Variants in CSTF1 observed in about 807,000 individuals in gnomAD.
CSTF1 encodes the protein cleavage stimulation factor subunit 1.
In CSTF1, 2 loss-of-function variants were observed where a neutral mutation model predicts 40.9. The ratio of observed to expected loss-of-function variants is 0.05; its 90% CI spans 0.02 to 0.15. CSTF1 has a LOEUF of 0.15. Among genes scored for constraint, CSTF1 ranks in the 10% least tolerant of loss-of-function variants. CSTF1 has a pLI of 1.00. For missense variants in CSTF1, 279 were observed against 558.9 expected, an observed-to-expected ratio of 0.50 and a Z score of 5.05; for synonymous variants, 218 against 207.2, an observed-to-expected ratio of 1.05 and a Z score of -0.45.
Position 56,403,736 on chromosome 20 carries a change from C to G in CSTF1, c.*9C>G. 1 of 1,607,306 alleles carries G rather than the reference C, an allele frequency of 6.2e-7. No individual in the cohort carries two copies. The highest frequency in any genetic ancestry group is 8.5e-7 in the Non-Finnish European group (1 of 1,174,480). On this transcript the variant is annotated 3_prime_UTR_variant, in exon 6 of 6. Coordinates refer to ENST00000217109, the MANE Select transcript of CSTF1 (RefSeq NM_001324.3). ...GATCGACCACTGACTGAGCCACCCTCTCCGTAGGGTTCTTTCTCGAGGACT... is the reference window on the plus strand; with the variant it reads ...GATCGACCACTGACTGAGCCACCCTGTCCGTAGGGTTCTTTCTCGAGGACT...
Position 56,403,514 on chromosome 20 carries a change from T to C in CSTF1, c.1083T>C (p.Phe361=), listed in dbSNP as rs574008574. The change falls in exon 6 of 6, where the codon TTT becomes TTC. Residue 361 remains phenylalanine, a synonymous_variant. Coordinates refer to ENST00000217109, the MANE Select transcript of CSTF1 (RefSeq NM_001324.3). Reference sequence around the variant, plus strand: ...AGGTGCACCGGACACAGGCTGTGTTTAACCACACCGAGGACTATGTGTTGC... The same window carrying C: ...AGGTGCACCGGACACAGGCTGTGTTCAACCACACCGAGGACTATGTGTTGC... The part of the protein sequence containing the change: ...GRQVHRTQAV[F]NHTEDYVLLP... The C allele has an allele frequency of 2.5e-6, 4 of 1,614,112 alleles. No homozygotes were observed. The African/African-American group carries it at 4.0e-5, about 16-fold the overall frequency.
chr20:56,398,177 A>C (rs1978322038), intron 4 of CSTF1, among the ~76,000 whole-genome samples: 1 of 152,246 alleles, frequency 6.6e-6, no homozygotes, highest in East Asian at 1.9e-4. Flanking sequence ...GTTCATTTGA[A>C]AGTATTAAGT....
Position 56,397,075 on chromosome 20 carries a change from G to A in CSTF1, c.170-132G>A, listed in dbSNP as rs1232820274. 3 of 908,650 alleles carry A rather than the reference G, an allele frequency of 3.3e-6. No homozygotes were observed. The highest frequency in any genetic ancestry group is 3.3e-5 in the African/African-American group (2 of 59,890). 56.3% of individuals were successfully genotyped at this position (908,650 alleles called of 1,614,324 possible). ...AATACACAGTTTTGTAAAGTGTTAGGTGTCACGCGGCTCCAAGAAATAGGA... is the reference window on the plus strand; with the variant it reads ...AATACACAGTTTTGTAAAGTGTTAGATGTCACGCGGCTCCAAGAAATAGGA... On this transcript the variant is annotated intron_variant, in intron 2 of 5. Coordinates refer to ENST00000217109, the MANE Select transcript of CSTF1 (RefSeq NM_001324.3). The surrounding 1 kb of genome is among the most constrained non-coding windows in gnomAD (Gnocchi z 4.4).
intron 1 of CSTF1, among the ~76,000 whole-genome samples, chr20:56,393,583 T>G (rs6099129): frequency 0.094 from 13,294 of 141,738 alleles, 730 homozygotes; most frequent in African/African-American, 0.16. Flanking sequence ...GACTAAAAGT[T>G]GAAGTCAGAT....
intron 5 of CSTF1, among the ~76,000 whole-genome samples, chr20:56,400,356 G>A (rs1031927406): frequency 6.6e-6 from 1 of 152,160 alleles, no homozygotes; most frequent in Admixed American, 6.5e-5. Flanking sequence ...TGAAACACTT[G>A]TATAAAGTTG....
Position 56,403,437 on chromosome 20 carries a change from A to G in CSTF1, c.1037-31A>G, listed in dbSNP as rs769572967. 6 of 1,611,508 alleles carry G rather than the reference A, an allele frequency of 3.7e-6. No homozygotes were observed. In the Admixed American group the frequency reaches 8.3e-5, roughly 22 times the overall value. On this transcript the variant is annotated intron_variant, in intron 5 of 5. Transcript: ENST00000217109. ...TTCTGAGGGTCTAAGATGTGGACTTAGAAAGCTATCCCTCTTGCTCTCTGT... is the reference window on the plus strand; with the variant it reads ...TTCTGAGGGTCTAAGATGTGGACTTGGAAAGCTATCCCTCTTGCTCTCTGT...
chr20:56,404,907 C>G lies in CSTF1; in HGVS notation c.*1180C>G, dbSNP rs976460723. ...GTCTCTATCTCCTGACCTCGTGATC[C>G]GCCTGCCTCAGCCTCCCAAAGTTTT... On this transcript the variant is annotated 3_prime_UTR_variant, in exon 6 of 6. Transcript: ENST00000217109. 6.7e-6 allele frequency: 1 copy of G among 148,530 alleles called. No homozygotes were observed. The highest frequency in any genetic ancestry group is 1.5e-5 in the Non-Finnish European group (1 of 67,546). The allele number at this position is 148,530 out of a possible 1,614,324, so 9.2% of individuals were successfully genotyped here.
At chr20:56,396,887 T>C (rs572776040) in intron 2 of CSTF1, 66 of 230,348 alleles carry the variant, frequency 2.9e-4, no homozygotes, top group African/African-American at 1.5e-3. Context: ...AAAAAATGGA[T>C]AATTTAACTA....
chr20:56,403,955 G>T lies in CSTF1; in HGVS notation c.*228G>T. 2.1e-6 allele frequency: 1 copy of T among 475,220 alleles called. No homozygotes were observed. Among genetic ancestry groups the T allele is most frequent in the Non-Finnish European group, 3.7e-6 (1 of 268,520 alleles). The allele number at this position is 475,220 out of a possible 1,614,324, so 29.4% of individuals were successfully genotyped here. On this transcript the variant is annotated 3_prime_UTR_variant, in exon 6 of 6. Coordinates refer to ENST00000217109, the MANE Select transcript of CSTF1 (RefSeq NM_001324.3). ...AGTTCTACATTCACTGATTATTACA[G>T]TGTGATTTTCATCGGTTTTGTAAGT...
rs552048108 is a variant in CSTF1, at chr20:56,403,259, T to C, written c.1037-209T>C. Among the ~76,000 whole-genome samples the C allele has an allele frequency of 5.3e-5, 8 of 152,086 alleles. No homozygotes were observed. The East Asian group carries it at 1.5e-3, about 29-fold the overall frequency. On this transcript the variant is annotated intron_variant, in intron 5 of 5. Transcript: ENST00000217109. Reference sequence around the variant, plus strand: ...TTGAACTCCTGGGCTCAAGCAGCCCTCCTTCCTCAGCCTCCCAAAGTACTG... The same window carrying C: ...TTGAACTCCTGGGCTCAAGCAGCCCCCCTTCCTCAGCCTCCCAAAGTACTG...
intron 2 of CSTF1, among the ~76,000 whole-genome samples, chr20:56,396,420 A>G (rs1415051242): frequency 2.0e-5 from 3 of 152,242 alleles, no homozygotes; most frequent in Non-Finnish European, 4.4e-5. Context: ...TTAAATATCC[A>G]TAAAAGTGAA....
intron 5 of CSTF1, among the ~76,000 whole-genome samples, chr20:56,402,309 A>G (rs1978491111): frequency 1.3e-5 from 2 of 149,580 alleles, no homozygotes; most frequent in Admixed American, 1.3e-4. Flanking sequence ...TCTATCTCAA[A>G]AAAAAAAAAA....
In CSTF1 at chr20:56,395,563, C is replaced by T. The variant is rs748046027; in HGVS notation, c.11C>T (p.Thr4Ile). ...TTCCTTTTCTCCAAGATGTACAGAA[C>T]CAAAGTGGGCTTGAAGGACCGCCAG... MYRTKVGLKDRQQL... is the reference protein window; with the variant it reads MYRIKVGLKDRQQL... The change falls in exon 2 of 6, where the codon ACC becomes ATC. Residue 4 changes from threonine (T) to isoleucine (I), a missense_variant. By Grantham distance (89) the Thr-to-Ile change is moderately conservative (BLOSUM62 -1). This residue lies in a region of CSTF1 where 51 missense variants were observed against 55.0 expected (regional missense o/e 0.93). Coordinates refer to ENST00000217109, the MANE Select transcript of CSTF1 (RefSeq NM_001324.3). 6.2e-7 allele frequency: 1 copy of T among 1,613,798 alleles called. No homozygotes were observed. Among genetic ancestry groups the T allele is most frequent in the South Asian group, 1.1e-5 (1 of 91,022 alleles).
At chr20:56,401,006 T>TCCA (rs1376577209) in intron 5 of CSTF1, among the ~76,000 whole-genome samples, 1 of 152,118 alleles carries the variant, frequency 6.6e-6, no homozygotes, top group East Asian at 1.9e-4. Context: ...GCTGCTGTAC[T>TCCA]CCAGCCTGGG....
At chr20:56,394,468 T>C (rs1419170069) in intron 1 of CSTF1, among the ~76,000 whole-genome samples, 1 of 152,178 alleles carries the variant, frequency 6.6e-6, no homozygotes, top group Non-Finnish European at 1.5e-5. Context: ...GCGCCTGTAG[T>C]CTTAGCTACT....
intron 2 of CSTF1, chr20:56,396,974 CTT>C: frequency 2.1e-6 from 1 of 474,896 alleles, no homozygotes; most frequent in East Asian, 3.4e-5. Context: ...GGGGAAATGA[CTT>C]TGTCTATTGG....
rs375719269 is a variant in CSTF1 at position 56,403,776 on chromosome 20, C to G, written c.*49C>G. 10 of 1,557,254 alleles carry G rather than the reference C, an allele frequency of 6.4e-6. No individual in the cohort carries two copies. The highest frequency in any genetic ancestry group is 2.4e-5 in the South Asian group (2 of 83,208). On this transcript the variant is annotated 3_prime_UTR_variant, in exon 6 of 6. Coordinates refer to ENST00000217109, the MANE Select transcript of CSTF1 (RefSeq NM_001324.3). ...TCTCGAGGACTCTACCCTCCTCCCC[C>G]ACGTCCTGTCTCAGCTGCAGTCGTA...
rs533895703 is a variant in CSTF1, at chr20:56,406,013, G to C, written c.*2286G>C. ...TAATGCCCATGTTTTACAGTTTTTC[G>C]AGTAGTCTCAGCAATGGATCTGTAG... On this transcript the variant is annotated 3_prime_UTR_variant, in exon 6 of 6. Coordinates refer to ENST00000217109, the MANE Select transcript of CSTF1 (RefSeq NM_001324.3). The C allele has an allele frequency of 6.6e-6, 1 of 152,144 alleles. No individual in the cohort carries two copies. The highest frequency in any genetic ancestry group is 2.4e-5 in the African/African-American group (1 of 41,432). 9.4% of individuals were successfully genotyped at this position (152,144 alleles called of 1,614,324 possible). A position where few individuals can be genotyped will look rare whatever the true frequency, so the allele number is the denominator to read the frequency against.
At position 56,399,170 on chromosome 20, in the gene CSTF1, C is replaced by T. The variant is rs373049003; in HGVS notation, c.849C>T (p.Asp283=). The change falls in exon 5 of 6, where the codon GAC becomes GAT. Residue 283 remains aspartate, a synonymous_variant. Coordinates refer to ENST00000217109, the MANE Select transcript of CSTF1 (RefSeq NM_001324.3). This position sits in a 1 kb window ranked among gnomAD's most constrained non-coding sequence, Gnocchi z 4.6. ...SANMYVTGSK[D]GCIKLWDGVS... The stretch of plus-strand genomic sequence containing the variant: ...ATATGTACGTAACTGGAAGCAAGGA[C>T]GGCTGCATCAAATTATGGGATGGTG... 30 of 1,614,082 alleles carry T rather than the reference C, an allele frequency of 1.9e-5. No individual in the cohort carries two copies. Among genetic ancestry groups the T allele is most frequent in the Admixed American group, 3.3e-5 (2 of 60,002 alleles).
Sources: allele counts gnomAD v4.1 joint callset (sites outside exome capture counted in the v4.1 genomes callset), GRCh38; gene constraint gnomAD v4.1.1; regional missense constraint gnomAD v4.1.1; non-coding constraint Gnocchi (gnomAD v3.1); transcripts MANE v1.5; gene names NCBI Gene and HGNC (gene_info 2026-07-23, HGNC 2026-07-21).